The following CACNB2 variants were observed in gnomAD, a reference collection of about 807,000 sequenced individuals.
The protein encoded by CACNB2 is voltage-dependent L-type calcium channel subunit beta-2.
Under a neutral mutation model 73.3 loss-of-function variants are expected in CACNB2, and 42 were observed. The observed-to-expected ratio is 0.57, with a 90% confidence interval of 0.45 to 0.74. The LOEUF (loss-of-function observed/expected upper bound fraction) is 0.74, where lower values mean the gene tolerates loss of function less well. Among genes scored for constraint, CACNB2 ranks in the 30% least tolerant of loss-of-function variants. The pLI is 0.00. For missense variants in CACNB2, 940 were observed against 853.0 expected (o/e 1.10, Z -1.27); for synonymous variants, 348 against 310.3 (o/e 1.12, Z -1.28).
At chr10:18,203,309 G>A (rs2034960877) in intron 2 of CACNB2, among the ~76,000 whole-genome samples, 1 of 152,182 alleles carries the variant, frequency 6.6e-6, no homozygotes, top group African/African-American at 2.4e-5. Flanking sequence ...TACAAGCCGG[G>A]CAGGTTAGCA....
intron 3 of CACNB2, among the ~76,000 whole-genome samples, chr10:18,459,952 C>A (rs1286398692): frequency 6.6e-6 from 1 of 152,072 alleles, no homozygotes; most frequent in Non-Finnish European, 1.5e-5. Context: ...GAGCCGAGAT[C>A]GCACCACTGC....
intron 2 of CACNB2, among the ~76,000 whole-genome samples, chr10:18,372,707 C>T (rs1011349763): frequency 6.6e-6 from 1 of 152,114 alleles, no homozygotes; most frequent in Non-Finnish European, 1.5e-5. Flanking sequence ...GTGCCTAGCG[C>T]TGTTTTCATA....
At chr10:18,508,407 C>T (rs1481048842) in intron 6 of CACNB2, among the ~76,000 whole-genome samples, 1 of 152,134 alleles carries the variant, frequency 6.6e-6, no homozygotes, top group Admixed American at 6.6e-5. Flanking sequence ...CCTGTTCCTT[C>T]TCAAATGTGT....
intron 2 of CACNB2, among the ~76,000 whole-genome samples, chr10:18,178,747 T>C (rs1375780745): frequency 6.6e-6 from 1 of 152,226 alleles, no homozygotes; most frequent in African/African-American, 2.4e-5. Flanking sequence ...CTACGTTCAA[T>C]TCTGAAGTTT....
chr10:18,340,730 A>G (rs2041197945), intron 2 of CACNB2: 3 of 1,461,624 alleles, frequency 2.1e-6, no homozygotes, highest in Non-Finnish European at 2.7e-6. Context: ...TCTGGAACAG[A>G]GAGCTGTTGT....
chr10:18,503,527 C>T (rs1052052231), intron 5 of CACNB2, among the ~76,000 whole-genome samples: 7 of 152,142 alleles, frequency 4.6e-5, no homozygotes, highest in South Asian at 2.1e-4. Context: ...ACTTGGAAGG[C>T]GGAGGTTGCA....
At chr10:18,144,689 A>G (rs778596305) in intron 1 of CACNB2, among the ~76,000 whole-genome samples, 1 of 152,238 alleles carries the variant, frequency 6.6e-6, no homozygotes, top group Non-Finnish European at 1.5e-5. Flanking sequence ...TTAAGATGAA[A>G]TAAAGAATAT....
At chr10:18,352,184 A>C (rs1314151097) in intron 2 of CACNB2, among the ~76,000 whole-genome samples, 1 of 152,254 alleles carries the variant, frequency 6.6e-6, no homozygotes, top group Non-Finnish European at 1.5e-5. Flanking sequence ...TATAAGGGTA[A>C]GATATTTGAT....
At position 18,539,480 on chromosome 10, in the gene CACNB2, A is replaced by G. The variant is rs762715765; in HGVS notation, c.1739A>G (p.Asp580Gly). ...PKEDYSHDHV[D>G]HYASHRDHNH... The stretch of plus-strand genomic sequence containing the variant: ...GAAGATTATTCCCATGACCACGTGG[A>G]CCACTATGCCTCACACCGTGACCAC... Residue 580 changes from aspartate to glycine, a missense_variant, in exon 14 of 14, where the codon GAC (aspartate) becomes GGC (glycine). Physicochemically the swap from Asp to Gly is moderately conservative, Grantham distance 94. Transcript: ENST00000324631. 5.6e-6 allele frequency: 9 copies of G among 1,613,908 alleles called. No homozygotes were observed. The African/African-American group carries it at 1.2e-4, about 22-fold the overall frequency.
chr10:18,222,153 C>T (rs1779216), intron 2 of CACNB2, among the ~76,000 whole-genome samples: 94,430 of 152,038 alleles, frequency 0.62, 30,401 homozygotes, highest in Non-Finnish European at 0.71. Context: ...CATCACAATC[C>T]GATCCAACCT....
intron 2 of CACNB2, among the ~76,000 whole-genome samples, chr10:18,321,798 T>C (rs1330749043): frequency 6.6e-6 from 1 of 152,184 alleles, no homozygotes; most frequent in Non-Finnish European, 1.5e-5. Context: ...TGTTGATGCA[T>C]CTTTTGCCCT....
At chr10:18,194,763 T>G (rs1240151147) in intron 2 of CACNB2, among the ~76,000 whole-genome samples, 1 of 152,238 alleles carries the variant, frequency 6.6e-6, no homozygotes, top group Non-Finnish European at 1.5e-5. Flanking sequence ...GCAGGCCTTT[T>G]ACAAAATTCT....
At chr10:18,173,180 A>G (rs1443881718) in intron 2 of CACNB2, among the ~76,000 whole-genome samples, 1 of 152,180 alleles carries the variant, frequency 6.6e-6, no homozygotes, top group Non-Finnish European at 1.5e-5. Flanking sequence ...TCAGCCTGCC[A>G]AAGTGCTGGG....
At chr10:18,190,997 A>G (rs535437552) in intron 2 of CACNB2, among the ~76,000 whole-genome samples, 241 of 152,348 alleles carry the variant, frequency 1.6e-3, no homozygotes, top group African/African-American at 5.5e-3. Context: ...CAGAGAATGC[A>G]TGGGAAACGC....
intron 3 of CACNB2, among the ~76,000 whole-genome samples, chr10:18,477,115 C>T (rs1008720506): frequency 1.3e-4 from 19 of 151,898 alleles, no homozygotes; most frequent in South Asian, 2.1e-4. Flanking sequence ...GTTATTTGAG[C>T]GTGGAAAGTT....
intron 3 of CACNB2, among the ~76,000 whole-genome samples, chr10:18,495,700 C>T (rs2049767972): frequency 6.6e-6 from 1 of 151,866 alleles, no homozygotes; most frequent in Non-Finnish European, 1.5e-5. Flanking sequence ...AGGCATGAGC[C>T]ACGGCACCTG....
At chr10:18,278,596 A>C (rs534677089) in intron 2 of CACNB2, among the ~76,000 whole-genome samples, 1 of 152,322 alleles carries the variant, frequency 6.6e-6, no homozygotes, top group South Asian at 2.1e-4. Context: ...ATAAAACATG[A>C]TTTATATAGA....
chr10:18,242,005 A>G (rs968018932), intron 2 of CACNB2, among the ~76,000 whole-genome samples: 3 of 152,090 alleles, frequency 2.0e-5, no homozygotes, highest in African/African-American at 7.2e-5. Flanking sequence ...TTTTATATTT[A>G]TTTCAATATT....
At chr10:18,250,755 C>T (rs2131551699) in intron 2 of CACNB2, among the ~76,000 whole-genome samples, 1 of 152,324 alleles carries the variant, frequency 6.6e-6, no homozygotes, top group South Asian at 2.1e-4. Context: ...TTCCGTTTCC[C>T]CATCTCTACT....
Sources: gnomAD v4.1 joint callset for allele counts (sites outside exome capture counted in the v4.1 genomes callset) on GRCh38, gnomAD v4.1.1 for gene constraint, MANE v1.5 for transcripts, NCBI Gene and HGNC (gene_info 2026-07-23, HGNC 2026-07-21) for gene names.